Variants in OSBPL11 observed in about 807,000 individuals in gnomAD.
OSBPL11 encodes oxysterol-binding protein-related protein 11.
Under a neutral mutation model 84.4 loss-of-function variants are expected in OSBPL11, and 33 were observed. That is an observed-to-expected ratio of 0.39 (90% CI 0.30 to 0.52). The LOEUF (loss-of-function observed/expected upper bound fraction) is 0.52. OSBPL11 is among the 20% of genes least tolerant of loss of function. OSBPL11 has a pLI of 0.72. For synonymous variants in OSBPL11, 276 were observed against 310.2 expected, an observed-to-expected ratio of 0.89 and a Z score of 1.16; for missense variants, 736 against 901.1, an observed-to-expected ratio of 0.82 and a Z score of 2.35.
chr3:125,533,971 C>T (rs1935599718), intron 11 of OSBPL11, among the ~76,000 whole-genome samples: 1 of 152,304 alleles, frequency 6.6e-6, no homozygotes, highest in Middle Eastern at 3.4e-3. Context: ...GCATTACAGG[C>T]ACATGCCATC....
chr3:125,565,826 A>C (rs1412873812), intron 6 of OSBPL11, among the ~76,000 whole-genome samples: 2 of 151,088 alleles, frequency 1.3e-5, no homozygotes, highest in African/African-American at 2.4e-5. Context: ...TCTCACTCCT[A>C]AACTATGAAT....
intron 10 of OSBPL11, among the ~76,000 whole-genome samples, chr3:125,544,933 GAAT>G (rs1935788554): frequency 6.6e-6 from 1 of 152,108 alleles, no homozygotes. Context: ...TCTAAAGTAA[GAAT>G]AATTGATAAA....
chr3:125,551,609 A>G (rs1046707098), intron 9 of OSBPL11, among the ~76,000 whole-genome samples: 2 of 152,040 alleles, frequency 1.3e-5, no homozygotes, highest in African/African-American at 4.8e-5. Flanking sequence ...CATCTCTACT[A>G]ACAATATAAA....
chr3:125,534,560 C>G (rs1935611594), intron 11 of OSBPL11, among the ~76,000 whole-genome samples: 1 of 149,844 alleles, frequency 6.7e-6, no homozygotes, highest in South Asian at 2.1e-4. Context: ...AAATCATCAA[C>G]ACATTTGTAA....
chr3:125,572,033 G>T (rs1454135655), intron 5 of OSBPL11, among the ~76,000 whole-genome samples: 1 of 152,260 alleles, frequency 6.6e-6, no homozygotes, highest in Non-Finnish European at 1.5e-5. Flanking sequence ...GGGAGGCTGT[G>T]CCCTGCAAAG....
rs1458588369 is a variant in OSBPL11, at chr3:125,595,175, G to C, written c.-375C>G. 6.0e-6 allele frequency: 1 copy of C among 167,186 alleles called. No individual in the cohort carries two copies. Among genetic ancestry groups the C allele is most frequent in the African/African-American group, 2.4e-5 (1 of 41,934 alleles). 10.4% of individuals were successfully genotyped at this position (167,186 alleles called of 1,614,324 possible). On this transcript the variant is annotated 5_prime_UTR_variant, in exon 1 of 13. Transcript: ENST00000296220. The stretch of plus-strand genomic sequence containing the variant: ...GAAAAGGACGGAGCGCCACGGACAG[G>C]GGACCCGCGGCCTAACCTCGGGGCT...
At chr3:125,544,793 G>C (rs1319241628) in intron 10 of OSBPL11, among the ~76,000 whole-genome samples, 1 of 152,086 alleles carries the variant, frequency 6.6e-6, no homozygotes, top group Non-Finnish European at 1.5e-5. Flanking sequence ...AGAAAAAAAA[G>C]GTTTCTTGAC....
chr3:125,549,638 T>C (rs562010903), intron 9 of OSBPL11, among the ~76,000 whole-genome samples: 1 of 152,074 alleles, frequency 6.6e-6, no homozygotes, highest in Non-Finnish European at 1.5e-5. Context: ...CAAGCCAACA[T>C]GCCCAGTTAA....
intron 3 of OSBPL11, 83 bp from the exon 4 acceptor site, chr3:125,579,122 T>A: frequency 9.8e-7 from 1 of 1,015,894 alleles, no homozygotes; most frequent in Non-Finnish European, 1.4e-6. Flanking sequence ...ATCAGATCAC[T>A]GAAAAGCAGA....
intron 8 of OSBPL11, among the ~76,000 whole-genome samples, chr3:125,555,232 C>G (rs1935976533): frequency 6.6e-6 from 1 of 152,152 alleles, no homozygotes; most frequent in South Asian, 2.1e-4. Flanking sequence ...GACTCTTGGA[C>G]CTTCAACCAC....
chr3:125,530,994 T>TC (rs397874725), intron 12 of OSBPL11, among the ~76,000 whole-genome samples: 29 of 151,216 alleles, frequency 1.9e-4, no homozygotes, highest in African/African-American at 4.2e-4. Flanking sequence ...CTTTTTTTTT[T>TC]CCCCCAAGAC....
chr3:125,570,971 G>C (rs1309539565), intron 5 of OSBPL11, among the ~76,000 whole-genome samples: 2 of 152,230 alleles, frequency 1.3e-5, no homozygotes, highest in African/African-American at 4.8e-5. Context: ...GGTTGGAACA[G>C]TTTGGAGGTC....
intron 10 of OSBPL11, among the ~76,000 whole-genome samples, chr3:125,544,025 TA>T (rs1935774640): frequency 1.3e-5 from 2 of 152,156 alleles, no homozygotes; most frequent in Non-Finnish European, 2.9e-5. Context: ...TAAATTGTAC[TA>T]ATCATCTAAC....
chr3:125,589,056 A>C (rs1345010369), intron 1 of OSBPL11, among the ~76,000 whole-genome samples: 1 of 152,194 alleles, frequency 6.6e-6, no homozygotes, highest in Non-Finnish European at 1.5e-5. Flanking sequence ...AATGATTAGA[A>C]ATGTAGACAA....
At position 125,579,038 on chromosome 3, in the gene OSBPL11, A is replaced by G; in HGVS notation, c.411T>C (p.Ala137=). ...AGTGCTGTCGCTCTTTTGCATCTGT[A>G]GCTGTTAAAAGAATGTAAAAATTAT... ...AASGEQYKLR[A]TDAKERQHWV... is the part of the protein sequence containing the mutation. The change falls in exon 4 of 13, where the codon GCT becomes GCC. Residue 137 remains alanine (A), a splice_region_variant and synonymous_variant. Coordinates refer to ENST00000296220, the MANE Select transcript of OSBPL11 (RefSeq NM_022776.5). 6.3e-7 allele frequency: 1 copy of G among 1,578,898 alleles called. No individual in the cohort carries two copies. Among genetic ancestry groups the G allele is most frequent in the Non-Finnish European group, 8.6e-7 (1 of 1,160,178 alleles).
chr3:125,586,617 A>G (rs1381814029), intron 1 of OSBPL11, among the ~76,000 whole-genome samples: 2 of 151,282 alleles, frequency 1.3e-5, no homozygotes, highest in African/African-American at 4.9e-5. Flanking sequence ...TGTTCAAGTG[A>G]TTCTCCTGCC....
intron 2 of OSBPL11, 91 bp downstream of exon 2, chr3:125,582,819 T>G: frequency 1.0e-6 from 1 of 955,390 alleles, no homozygotes; most frequent in East Asian, 2.7e-5. Flanking sequence ...CCCAGCCATG[T>G]CTGTCTAAAG....
intron 5 of OSBPL11, among the ~76,000 whole-genome samples, chr3:125,575,880 A>G (rs1936314950): frequency 6.6e-6 from 1 of 151,310 alleles, no homozygotes; most frequent in Non-Finnish European, 1.5e-5. Context: ...TTGGCTATAC[A>G]GTCTTCCCAC....
At chr3:125,557,189 A>G (rs973741422) in intron 8 of OSBPL11, among the ~76,000 whole-genome samples, 4 of 152,228 alleles carry the variant, frequency 2.6e-5, no homozygotes, top group African/African-American at 7.2e-5. Context: ...CAAAATGAAC[A>G]GTAGGAAAAT....
Sources: gnomAD v4.1 joint callset for allele counts (sites outside exome capture counted in the v4.1 genomes callset) on GRCh38, gnomAD v4.1.1 for gene constraint, MANE v1.5 for transcripts, NCBI Gene and HGNC (gene_info 2026-07-23, HGNC 2026-07-21) for gene names.